AGK: variants seen among roughly 807,000 people sequenced by gnomAD.
The protein encoded by AGK is acylglycerol kinase, mitochondrial.
A neutral mutation model predicts 66.4 loss-of-function variants in AGK; 52 were observed. The ratio of observed to expected loss-of-function variants is 0.78; its 90% CI spans 0.63 to 0.99. The LOEUF (loss-of-function observed/expected upper bound fraction) is 0.99. Among genes scored for constraint, AGK ranks in the 50% least tolerant of loss-of-function variants. The pLI is 0.00. For missense variants in AGK, 451 were observed against 506.6 expected (o/e 0.89, Z 1.05); for synonymous variants, 182 against 181.1 (o/e 1.00, Z -0.04).
At chr7:141,575,253 A>G (rs1333461522) in intron 2 of AGK, among the ~76,000 whole-genome samples, 2 of 152,200 alleles carry the variant, frequency 1.3e-5, no homozygotes, top group East Asian at 3.9e-4. Context: ...CATGTTGAGA[A>G]GCAGGAGACT....
intron 13 of AGK, among the ~76,000 whole-genome samples, chr7:141,648,174 T>G (rs1264738050): frequency 6.6e-6 from 1 of 152,190 alleles, no homozygotes; most frequent in African/African-American, 2.4e-5. Context: ...CGCCACCTCA[T>G]GTTCCTTGCT....
At chr7:141,650,462 G>A (rs1797528630) in intron 14 of AGK, 1 of 979,798 alleles carries the variant, frequency 1.0e-6, no homozygotes, top group Non-Finnish European at 1.2e-6. Context: ...GTGTCCTTCT[G>A]TTCTCTACAG....
chr7:141,612,362 A>G (rs1303954327), intron 6 of AGK, among the ~76,000 whole-genome samples: 1 of 152,182 alleles, frequency 6.6e-6, no homozygotes, highest in African/African-American at 2.4e-5. Flanking sequence ...TAGGGCAGTG[A>G]AACTATTCAT....
chr7:141,575,654 C>CTT (rs58292692), intron 2 of AGK, among the ~76,000 whole-genome samples: 1,356 of 58,278 alleles, frequency 0.023, 192 homozygotes, highest in African/African-American at 0.035. Context: ...TTACAAAGGC[C>CTT]TTTTTTTTTT....
chr7:141,632,192 C>T (rs1008422838), intron 9 of AGK, among the ~76,000 whole-genome samples: 14 of 151,136 alleles, frequency 9.3e-5, no homozygotes, highest in Non-Finnish European at 1.6e-4. Flanking sequence ...GATCGTGCCA[C>T]TGCACTCCAG....
intron 13 of AGK, among the ~76,000 whole-genome samples, chr7:141,644,244 T>G (rs1562984904): frequency 6.6e-6 from 1 of 152,200 alleles, no homozygotes; most frequent in South Asian, 2.1e-4. Flanking sequence ...CTCTGATGAC[T>G]GAGTACCACT....
intron 9 of AGK, among the ~76,000 whole-genome samples, chr7:141,623,463 G>C (rs1187711526): frequency 6.6e-6 from 1 of 150,982 alleles, no homozygotes; most frequent in Non-Finnish European, 1.5e-5. Context: ...AAGTTTTTGT[G>C]GTCTAGATAG....
Position 141,598,638 on chromosome 7 carries a change from A to G in AGK, c.221+1997A>G, listed in dbSNP as rs2116930839. ...ATTTCCATTTCATAATAAGCACACA[A>G]TGTAAGAAATATAAACTGCTGAAAT... On this transcript the variant is annotated intron_variant, in intron 4 of 15. Transcript: ENST00000649286. This position sits in a 1 kb window ranked among gnomAD's most constrained non-coding sequence, Gnocchi z 4.2. 6.6e-6 allele frequency among the ~76,000 whole-genome samples: 1 copy of G among 152,302 alleles called. No individual in the cohort carries two copies. Among genetic ancestry groups the G allele is most frequent in the South Asian group, 2.1e-4 (1 of 4,830 alleles).
At chr7:141,629,237 T>G (rs577529865) in intron 9 of AGK, among the ~76,000 whole-genome samples, 1 of 152,326 alleles carries the variant, frequency 6.6e-6, no homozygotes, top group South Asian at 2.1e-4. Flanking sequence ...TCAGTGTTCC[T>G]TAAGCGTTTA....
chr7:141,625,858 A>G (rs1211859955), intron 9 of AGK, among the ~76,000 whole-genome samples: 1 of 152,124 alleles, frequency 6.6e-6, no homozygotes, highest in Non-Finnish European at 1.5e-5. Context: ...TTTGTAGATT[A>G]TCTGGCTTTT....
chr7:141,641,670 A>C (rs1797293842), intron 12 of AGK, 141 bp from the exon 13 acceptor site: 1 of 752,106 alleles, frequency 1.3e-6, no homozygotes, highest in African/African-American at 1.8e-5. Context: ...TCTATGTATA[A>C]GAAGCATGAA....
chr7:141,641,548 C>A, intron 12 of AGK, 150 bp downstream of exon 12: 1 of 926,626 alleles, frequency 1.1e-6, no homozygotes, highest in Non-Finnish European at 1.6e-6. Context: ...GCCACCAGAG[C>A]AGGCCCAAGC....
chr7:141,581,948 C>G (rs1245863749), intron 2 of AGK, among the ~76,000 whole-genome samples: 1 of 151,936 alleles, frequency 6.6e-6, no homozygotes, highest in East Asian at 1.9e-4. Flanking sequence ...GAAACATGCC[C>G]TTGAAAAGAA....
Position 141,653,763 on chromosome 7 carries a change from CCATCTAAGTTGATATCTAAAATTT to C in AGK, c.*840_*863del, listed in dbSNP as rs1189872704. On this transcript the variant is annotated 3_prime_UTR_variant, in exon 16 of 16. Coordinates refer to ENST00000649286, the MANE Select transcript of AGK (RefSeq NM_018238.4). The stretch of plus-strand genomic sequence containing the variant: ...TTTGAAAAATCATGTATACCCTCAC[CCATCTAAGTTGATATCTAAAATTT>C]TATCTAAGTTGGTATCTAAAATTTT... 6.6e-6 allele frequency: 1 copy of C among 152,166 alleles called. No homozygotes were observed. Among genetic ancestry groups the C allele is most frequent in the African/African-American group, 2.4e-5 (1 of 41,444 alleles). 9.4% of individuals were successfully genotyped at this position (152,166 alleles called of 1,614,324 possible). A position where few individuals can be genotyped will look rare whatever the true frequency, so the allele number is the denominator to read the frequency against.
intron 1 of AGK, among the ~76,000 whole-genome samples, chr7:141,551,735 C>A (rs1006050747): frequency 5.3e-5 from 8 of 152,170 alleles, no homozygotes; most frequent in African/African-American, 1.7e-4. Context: ...ACTTGTGGAC[C>A]CCCCTCACTT....
At chr7:141,581,176 G>A (rs373885380) in intron 2 of AGK, among the ~76,000 whole-genome samples, 1 of 151,898 alleles carries the variant, frequency 6.6e-6, no homozygotes. Context: ...TGAAGTAATG[G>A]GGGCTGTCTG....
intron 2 of AGK, among the ~76,000 whole-genome samples, chr7:141,574,436 A>G (rs1478957039): frequency 6.6e-6 from 1 of 152,200 alleles, no homozygotes; most frequent in Non-Finnish European, 1.5e-5. Context: ...ACAGAAATTG[A>G]TATCTCGCGG....
At chr7:141,649,153 C>G (rs1797489673) in intron 13 of AGK, 110 bp from the exon 14 acceptor site, 2 of 584,148 alleles carry the variant, frequency 3.4e-6, no homozygotes, top group Non-Finnish European at 6.1e-6. Context: ...CAAGTAGAGT[C>G]CCCTATCTAT....
intron 6 of AGK, among the ~76,000 whole-genome samples, chr7:141,612,702 A>G (rs995644257): frequency 6.6e-6 from 1 of 152,200 alleles, no homozygotes; most frequent in East Asian, 1.9e-4. Context: ...ACTACTTTTA[A>G]AACATAAAAT....
Sources: allele counts gnomAD v4.1 joint callset (sites outside exome capture counted in the v4.1 genomes callset), GRCh38; gene constraint gnomAD v4.1.1; non-coding constraint Gnocchi (gnomAD v3.1); transcripts MANE v1.5; gene names NCBI Gene and HGNC (gene_info 2026-07-23, HGNC 2026-07-21).